The following IFT74 variants were observed in gnomAD, a reference collection of about 807,000 sequenced individuals.
IFT74 encodes the protein intraflagellar transport 74.
Under a neutral mutation model 96.7 loss-of-function variants are expected in IFT74, and 92 were observed. The ratio of observed to expected loss-of-function variants is 0.95; its 90% CI spans 0.80 to 1.13. The LOEUF (loss-of-function observed/expected upper bound fraction) is 1.13. Ranked by LOEUF, IFT74 falls within the 50% of genes most tolerant of loss-of-function variation. IFT74 has a pLI of 0.00. For missense variants in IFT74, 811 were observed against 698.2 expected, an observed-to-expected ratio of 1.16 and a Z score of -1.82; for synonymous variants, 223 against 213.2, an observed-to-expected ratio of 1.05 and a Z score of -0.40.
chr9:26,996,484 G>C, intron 8 of IFT74: 4 of 1,455,052 alleles, frequency 2.7e-6, no homozygotes, highest in Non-Finnish European at 3.7e-6. Context: ...GCTACACATG[G>C]TGATGTTCTC....
intron 2 of IFT74, among the ~76,000 whole-genome samples, chr9:26,976,972 A>G (rs979667818): frequency 5.3e-5 from 8 of 152,218 alleles, no homozygotes; most frequent in Admixed American, 1.3e-4. Context: ...ATTTGTTTTT[A>G]CAAGATTAAA....
At chr9:26,985,453 A>G (rs1352274030) in intron 6 of IFT74, among the ~76,000 whole-genome samples, 4 of 152,204 alleles carry the variant, frequency 2.6e-5, no homozygotes, top group Non-Finnish European at 4.4e-5. Flanking sequence ...AAAAATTTCA[A>G]AAATTTCAAA....
At chr9:26,961,274 T>C (rs1826344920) in intron 1 of IFT74, among the ~76,000 whole-genome samples, 1 of 152,002 alleles carries the variant, frequency 6.6e-6, no homozygotes, top group Admixed American at 6.6e-5. Context: ...GTATTTTTAG[T>C]AGAGACGGGG....
chr9:27,044,042 T>C (rs1232335259), intron 13 of IFT74, among the ~76,000 whole-genome samples: 1 of 152,218 alleles, frequency 6.6e-6, no homozygotes, highest in South Asian at 2.1e-4. Context: ...ATGGATCTTA[T>C]AAGGTGCTTC....
rs1185897441 is a variant in IFT74 at position 26,947,147 on chromosome 9, G to C, written c.-20+1G>C. 1 of 1,330,346 alleles carries C rather than the reference G, an allele frequency of 7.5e-7. No homozygotes were observed. Among genetic ancestry groups the C allele is most frequent in the Non-Finnish European group, 9.8e-7 (1 of 1,019,916 alleles). The allele number at this position is 1,330,346 out of a possible 1,614,324, so 82.4% of individuals were successfully genotyped here. ...GCCGCGGCGGGAGAAGAGCCTGCAG[G>C]TAAGGGGCGGCCGGAGACCGGAAGA... On this transcript the variant is annotated splice_donor_variant, in intron 1 of 19. Coordinates refer to the IFT74 transcript ENST00000433700. LOFTEE classifies it low-confidence loss of function (5UTR_SPLICE).
At chr9:27,060,527 T>G (rs1820367393) in intron 18 of IFT74, 64 bp from the exon 19 acceptor site, 1 of 1,086,394 alleles carries the variant, frequency 9.2e-7, no homozygotes, top group Non-Finnish European at 1.4e-6. Flanking sequence ...TCTTATCCTC[T>G]TAGAAAGGCA....
At position 27,009,102 on chromosome 9, in the gene IFT74, T is replaced by C. The variant is rs17694549; in HGVS notation, c.670T>C (p.Phe224Leu). The part of the protein sequence containing the change: ...ATDDIIKNMS[F>L]ENQVKYLEMK... ...AGATGACATTATCAAAAATATGTCT[T>C]TTGAAAACCAAGTCAAGTACCTAGA... The change falls in exon 9 of 20, where the codon TTT becomes CTT. Residue 224 changes from phenylalanine to leucine, a missense_variant. Transcript: ENST00000380062. 95,147 of 1,612,446 alleles carry C rather than the reference T, an allele frequency of 0.059. 3,469 individuals carry two copies. Among genetic ancestry groups the C allele is most frequent in the Middle Eastern group, 0.14 (824 of 6,052 alleles).
intron 1 of IFT74, among the ~76,000 whole-genome samples, chr9:26,949,222 C>T (rs1825860629): frequency 6.6e-6 from 1 of 152,190 alleles, no homozygotes; most frequent in East Asian, 1.9e-4. Context: ...TTCAGTTTAC[C>T]AATTTTCACA....
chr9:26,956,870 C>A (rs7857396), intron 1 of IFT74, among the ~76,000 whole-genome samples: 17 of 152,218 alleles, frequency 1.1e-4, no homozygotes, highest in African/African-American at 3.9e-4. Context: ...CAGTTAGCAA[C>A]TTTCCACTTA....
intron 5 of IFT74, 48 bp downstream of exon 5, chr9:26,984,403 A>G: frequency 6.3e-7 from 1 of 1,579,758 alleles, no homozygotes; most frequent in Non-Finnish European, 8.6e-7. Flanking sequence ...TGCTTATAAT[A>G]CTAACTTTGT....
chr9:26,974,265 AC>A (rs1176278977), intron 2 of IFT74, among the ~76,000 whole-genome samples: 1 of 152,094 alleles, frequency 6.6e-6, no homozygotes, highest in African/African-American at 2.4e-5. Context: ...CCTTACATAC[AC>A]TTTTTGAGCT....
At chr9:26,975,577 GCTGTTTATTTTTC>G (rs1368918369) in intron 2 of IFT74, among the ~76,000 whole-genome samples, 2 of 152,100 alleles carry the variant, frequency 1.3e-5, no homozygotes, top group Non-Finnish European at 2.9e-5. Flanking sequence ...CACGCGCTTG[GCTGTTTATTTTTC>G]CTGTCTTACG....
chr9:26,975,724 C>T (rs1486780843), intron 2 of IFT74, among the ~76,000 whole-genome samples: 1 of 152,182 alleles, frequency 6.6e-6, no homozygotes, highest in Non-Finnish European at 1.5e-5. Context: ...CTCACTGAGG[C>T]TCTGAGGCTC....
intron 13 of IFT74, among the ~76,000 whole-genome samples, chr9:27,038,130 T>G (rs759358861): frequency 1.4e-4 from 21 of 152,204 alleles, no homozygotes; most frequent in Non-Finnish European, 2.1e-4. Flanking sequence ...GTAGTTGTGC[T>G]TTTTACAGAG....
intron 14 of IFT74, among the ~76,000 whole-genome samples, chr9:27,046,227 G>C (rs191863809): frequency 1.6e-4 from 25 of 152,312 alleles, no homozygotes; most frequent in African/African-American, 5.5e-4. Context: ...CTGTGTGAAT[G>C]CTGAAGCAGG....
chr9:27,008,969 A>T, intron 8 of IFT74, 51 bp from the exon 9 acceptor site: 1 of 1,409,524 alleles, frequency 7.1e-7, no homozygotes, highest in South Asian at 1.3e-5. Flanking sequence ...AAATAATTGG[A>T]TATTTTTTCC....
intron 9 of IFT74, 113 bp downstream of exon 9, chr9:27,009,271 A>G (rs1587345292): frequency 2.2e-6 from 2 of 892,406 alleles, no homozygotes; most frequent in Non-Finnish European, 3.4e-6. Context: ...CTTTGAGATC[A>G]GTTTTCATTT....
intron 18 of IFT74, 149 bp from the exon 19 acceptor site, chr9:27,060,442 C>T (rs1820362393): frequency 5.1e-6 from 2 of 393,724 alleles, no homozygotes; most frequent in African/African-American, 4.2e-5. Context: ...ATTATTTAAT[C>T]TTTTTTTTTC....
chr9:26,989,874 T>C (rs1224290869), intron 7 of IFT74, among the ~76,000 whole-genome samples: 1 of 152,190 alleles, frequency 6.6e-6, no homozygotes, highest in Admixed American at 6.5e-5. Context: ...AAATTGAATT[T>C]ACATTGAATT....
Sources: allele counts gnomAD v4.1 joint callset (sites outside exome capture counted in the v4.1 genomes callset), GRCh38; gene constraint gnomAD v4.1.1; transcripts MANE v1.5; gene names NCBI Gene and HGNC (gene_info 2026-07-23, HGNC 2026-07-21).